Variants in MICAL3 observed in about 807,000 individuals in gnomAD.
MICAL3 encodes [F-actin]-monooxygenase MICAL3.
A neutral mutation model predicts 207.4 loss-of-function variants in MICAL3; 62 were observed. The observed-to-expected ratio is 0.30, with a 90% CI of 0.24 to 0.37. The LOEUF (loss-of-function observed/expected upper bound fraction) is 0.37, where lower values mean the gene tolerates loss of function less well. Ranked by LOEUF, MICAL3 falls within the 10% of genes least tolerant of loss-of-function variation. MICAL3 has a pLI of 1.00. For missense variants in MICAL3, 2,368 were observed against 2,635.6 expected (o/e 0.90, Z 2.22); for synonymous variants, 1,077 against 1,069.3 (o/e 1.01, Z -0.14).
rs1428165393 is a variant in MICAL3, at chr22:17,832,046, G to C, written c.2863C>G (p.Pro955Ala). 3.1e-6 allele frequency: 5 copies of C among 1,602,724 alleles called. No individual in the cohort carries two copies. Among genetic ancestry groups the C allele is most frequent in the Non-Finnish European group, 4.3e-6 (5 of 1,175,022 alleles). The stretch of plus-strand genomic sequence containing the variant: ...CACGGAACACCACCCAGGTCAGATG[G>C]GGGCAGGCGAGGCTCCTCCTCCTCC... ...EEEEEEPRLPPSDLGGVPWKE... is the reference protein window; with the variant it reads ...EEEEEEPRLPASDLGGVPWKE... Residue 955 changes from proline (P) to alanine (A), a missense_variant, in exon 21 of 32, where the codon CCA (proline) becomes GCA (alanine). Physicochemically the swap from Pro to Ala is conservative, Grantham distance 27. Transcript: ENST00000441493.
Position 17,817,334 on chromosome 22 carries a change from C to T in MICAL3, c.5327G>A (p.Arg1776Lys). The change falls in exon 26 of 32, where the codon AGG becomes AAG. Residue 1776 changes from arginine to lysine, a missense_variant. Arg to Lys is a conservative substitution (Grantham distance 26). Coordinates refer to ENST00000441493, the MANE Select transcript of MICAL3 (RefSeq NM_015241.3). ...SGATVDSGKH[R>K]VLPVVRAELQ... is the part of the protein sequence containing the mutation. ...ACCTGCCCTTACGACGGGAAGCACC[C>T]TGTGCTTTCCAGAGTCCACCGTGGC... is the stretch of plus-strand genomic sequence containing the variant. 1 of 1,605,864 alleles carries T rather than the reference C, an allele frequency of 6.2e-7. No homozygotes were observed. The highest frequency in any genetic ancestry group is 1.3e-5 in the African/African-American group (1 of 74,894).
chr22:18,013,601 C>T (rs542659033), intron 1 of MICAL3, among the ~76,000 whole-genome samples: 1 of 152,256 alleles, frequency 6.6e-6, no homozygotes, highest in Admixed American at 6.5e-5. Flanking sequence ...AATGCCGAAG[C>T]CACAGAGCTG....
At chr22:17,821,167 G>A (rs540110141) in intron 25 of MICAL3, among the ~76,000 whole-genome samples, 23 of 152,114 alleles carry the variant, frequency 1.5e-4, no homozygotes, top group Non-Finnish European at 3.1e-4. Flanking sequence ...GAGTGGGGCA[G>A]AGGTAGTAGG....
intron 20 of MICAL3, chr22:17,840,990 A>T (rs543207470): frequency 6.6e-6 from 1 of 152,348 alleles, no homozygotes; most frequent in South Asian, 2.1e-4. Context: ...CCTTCTGGAA[A>T]GCGTTCTTGG....
chr22:17,925,518 G>A (rs1198097461), intron 1 of MICAL3, among the ~76,000 whole-genome samples: 1 of 152,160 alleles, frequency 6.6e-6, no homozygotes, highest in African/African-American at 2.4e-5. Flanking sequence ...TGTGAAAAAA[G>A]AAGTTGATAT....
intron 22 of MICAL3, among the ~76,000 whole-genome samples, chr22:17,823,842 C>A (rs1018839535): frequency 6.6e-6 from 1 of 152,168 alleles, no homozygotes; most frequent in African/African-American, 2.4e-5. Context: ...ATTAGAGGGA[C>A]CGTTTCTTTA....
At chr22:17,827,574 C>T (rs1360102064) in intron 22 of MICAL3, 70 bp downstream of exon 22, 1 of 1,476,604 alleles carries the variant, frequency 6.8e-7, no homozygotes, top group Non-Finnish European at 9.0e-7. Context: ...AGAAAGGCCC[C>T]CTGTGGCGAC....
intron 1 of MICAL3, among the ~76,000 whole-genome samples, chr22:18,020,708 G>C (rs1405124714): frequency 6.6e-6 from 1 of 150,620 alleles, no homozygotes; most frequent in Non-Finnish European, 1.5e-5. Flanking sequence ...CTTGAGGCAG[G>C]AGTTCGACAC....
In MICAL3 at chr22:17,817,499, G is replaced by A. The variant is rs756390963; in HGVS notation, c.5162C>T (p.Pro1721Leu). The change falls in exon 26 of 32, where the codon CCG becomes CTG. Residue 1721 changes from proline (P) to leucine (L), a missense_variant. Around this residue, in one of 4 missense-constraint regions of MICAL3, gnomAD observed 1,770 missense variants for 1,863.2 expected, o/e 0.95. Transcript: ENST00000441493. The stretch of plus-strand genomic sequence containing the variant: ...TAGGAGGTTGGAGCTGGGCTTCTCC[G>A]GGGGCCGGCCCTCGCCTTTGGACTT... ...EKKSKGEGRP[P>L]EKPSSNLLEE... is the part of the protein sequence containing the mutation. 5.0e-5 allele frequency: 80 copies of A among 1,612,940 alleles called. No homozygotes were observed. The highest frequency in any genetic ancestry group is 6.4e-5 in the Non-Finnish European group (76 of 1,179,362).
chr22:17,950,478 T>C (rs1215293243), intron 1 of MICAL3, among the ~76,000 whole-genome samples: 2 of 151,618 alleles, frequency 1.3e-5, no homozygotes, highest in Non-Finnish European at 2.9e-5. Flanking sequence ...TAGCTGGGAC[T>C]ACAGGTGCCC....
intron 1 of MICAL3, among the ~76,000 whole-genome samples, chr22:17,993,836 TG>T (rs1358769460): frequency 7.6e-6 from 1 of 131,502 alleles, no homozygotes; most frequent in African/African-American, 3.3e-5. Flanking sequence ...CAGGAAGCGG[TG>T]ACCCCCCAGG....
chr22:17,842,891 G>A (rs1044769026), intron 19 of MICAL3, among the ~76,000 whole-genome samples: 6 of 152,186 alleles, frequency 3.9e-5, no homozygotes, highest in Non-Finnish European at 8.8e-5. Flanking sequence ...GGAGGCCGAT[G>A]CAGGTGGATC....
intron 19 of MICAL3, chr22:17,861,006 C>G: frequency 1.1e-5 from 11 of 984,902 alleles, no homozygotes; most frequent in Non-Finnish European, 1.2e-5. Context: ...CAAACGTGTA[C>G]CTATATATAA....
intron 1 of MICAL3, among the ~76,000 whole-genome samples, chr22:17,979,603 A>T (rs1935814064): frequency 6.6e-6 from 1 of 152,010 alleles, no homozygotes; most frequent in African/African-American, 2.4e-5. Context: ...TTTACCAAAG[A>T]TTTCATTAGA....
At chr22:17,808,566 G>T (rs115157226) in intron 29 of MICAL3, among the ~76,000 whole-genome samples, 1,769 of 152,324 alleles carry the variant, frequency 0.012, 33 homozygotes, top group African/African-American at 0.041. Context: ...GAAGGAGGGG[G>T]AAGAGCCAGC....
intron 22 of MICAL3, among the ~76,000 whole-genome samples, chr22:17,823,933 A>G (rs1400638508): frequency 6.6e-6 from 1 of 152,214 alleles, no homozygotes; most frequent in African/African-American, 2.4e-5. Context: ...TTCCCTTGCA[A>G]TAATTTAGAG....
At chr22:17,803,188 G>T (rs1423693581) in intron 29 of MICAL3, among the ~76,000 whole-genome samples, 1 of 152,158 alleles carries the variant, frequency 6.6e-6, no homozygotes, top group Non-Finnish European at 1.5e-5. Flanking sequence ...GAGAACCACG[G>T]CCTGGAGCTT....
At chr22:18,022,440 T>G (rs1168319945) in intron 1 of MICAL3, among the ~76,000 whole-genome samples, 1 of 152,020 alleles carries the variant, frequency 6.6e-6, no homozygotes. Flanking sequence ...CCTTTTTTTT[T>G]TCTTTTGAGA....
intron 1 of MICAL3, among the ~76,000 whole-genome samples, chr22:17,962,702 C>A (rs1216511366): frequency 6.6e-5 from 10 of 151,920 alleles, no homozygotes; most frequent in South Asian, 2.1e-4. Context: ...AAGCAATTTC[C>A]AAGGACCCTT....
Sources: gnomAD v4.1 joint callset for allele counts (sites outside exome capture counted in the v4.1 genomes callset) on GRCh38, gnomAD v4.1.1 for gene constraint, gnomAD v4.1.1 regional missense constraint, MANE v1.5 for transcripts, NCBI Gene and HGNC (gene_info 2026-07-23, HGNC 2026-07-21) for gene names.